Variants in FCN2 observed in about 807,000 individuals in gnomAD.
FCN2 encodes ficolin 2.
In FCN2, 31 loss-of-function variants were observed where a neutral mutation model predicts 32.5. The ratio of observed to expected loss-of-function variants is 0.96; its 90% CI spans 0.72 to 1.29. The LOEUF (loss-of-function observed/expected upper bound fraction) is 1.29, where lower values mean the gene tolerates loss of function less well. FCN2 is among the 50% of genes most tolerant of loss of function. FCN2 has a pLI of 0.00. For missense variants in FCN2, 412 were observed against 406.5 expected, an observed-to-expected ratio of 1.01 and a Z score of -0.12; for synonymous variants, 181 against 164.5, an observed-to-expected ratio of 1.10 and a Z score of -0.77.
upstream of FCN2, among the ~76,000 whole-genome samples, chr9:134,877,344 C>T (rs1830612910): frequency 6.6e-6 from 1 of 152,272 alleles, no homozygotes; most frequent in East Asian, 1.9e-4. Context: ...TTTTTGTTTT[C>T]ATTCAATTCA....
chr9:134,874,165 C>A, the FCN2 span, among the ~76,000 whole-genome samples: 1 of 152,196 alleles, frequency 6.6e-6, no homozygotes, highest in Non-Finnish European at 1.5e-5. Context: ...ATTTGCCCAG[C>A]TTGGCCTCCC....
At chr9:134,865,784 G>A in the FCN2 span, among the ~76,000 whole-genome samples, 1 of 152,130 alleles carries the variant, frequency 6.6e-6, no homozygotes, top group Non-Finnish European at 1.5e-5. Context: ...AGCAACTTCA[G>A]CAAAGTCTCA....
At chr9:134,868,247 C>G in the FCN2 span, 2 of 152,362 alleles carry the variant, frequency 1.3e-5, no homozygotes, top group African/African-American at 4.8e-5. This position sits in a 1 kb window ranked among gnomAD's most constrained non-coding sequence, Gnocchi z 4.3. Flanking sequence ...TGACACACCA[C>G]AACAACTACC....
upstream of FCN2, among the ~76,000 whole-genome samples, chr9:134,878,713 C>T (rs372899211): frequency 7.6e-4 from 115 of 152,058 alleles, no homozygotes; most frequent in African/African-American, 2.7e-3. Flanking sequence ...CATGGTAGTG[C>T]CTGCCTGTAA....
chr9:134,881,917 T>C (rs1830669436), intron 1 of FCN2, among the ~76,000 whole-genome samples: 1 of 152,204 alleles, frequency 6.6e-6, no homozygotes, highest in Non-Finnish European at 1.5e-5. Flanking sequence ...CAAGCTGCAT[T>C]CCAGCTCTAG....
At chr9:134,883,081 A>G (rs1355583714) in intron 2 of FCN2, among the ~76,000 whole-genome samples, 1 of 152,188 alleles carries the variant, frequency 6.6e-6, no homozygotes, top group African/African-American at 2.4e-5. Flanking sequence ...CTGGATTTCC[A>G]GCTCCCGGCC....
chr9:134,885,971 C>T, intron 6 of FCN2, 74 bp downstream of exon 6: 1 of 1,482,594 alleles, frequency 6.7e-7, no homozygotes, highest in Admixed American at 2.0e-5. Context: ...CCTGGGCTGC[C>T]TGGAACACAA....
At position 134,884,886 on chromosome 9, in the gene FCN2, G is replaced by T. The variant is rs550613331; in HGVS notation, c.301+114G>T. 12 of 996,872 alleles carry T rather than the reference G, an allele frequency of 1.2e-5. No individual in the cohort carries two copies. The African/African-American group carries it at 1.4e-4, about 12-fold the overall frequency. 61.8% of individuals were successfully genotyped at this position (996,872 alleles called of 1,614,324 possible). On this transcript the variant is annotated intron_variant, in intron 4 of 7. Transcript: ENST00000291744. ...GTGACAAATATGAACAGAAGAAAAT[G>T]GTTGCTTGCCCGTTTCCTTGTCCCC...
the FCN2 span, among the ~76,000 whole-genome samples, chr9:134,870,483 G>A: frequency 6.6e-6 from 1 of 152,082 alleles, no homozygotes; most frequent in African/African-American, 2.4e-5. The surrounding 1 kb of genome is among the most constrained non-coding windows in gnomAD (Gnocchi z 4.3). Context: ...TGTGCCCCTC[G>A]GGGGGCCAAG....
chr9:134,872,672 T>A, the FCN2 span, among the ~76,000 whole-genome samples: 1 of 151,868 alleles, frequency 6.6e-6, no homozygotes, highest in Non-Finnish European at 1.5e-5. Context: ...TATAAAACCA[T>A]CAGATCTCGT....
chr9:134,872,640 G>A, the FCN2 span, among the ~76,000 whole-genome samples: 3 of 152,132 alleles, frequency 2.0e-5, no homozygotes, highest in East Asian at 1.9e-4. Context: ...AAGAGAGAGC[G>A]TGGTGCGGGG....
At chr9:134,865,326 G>A in the FCN2 span, among the ~76,000 whole-genome samples, 1 of 152,192 alleles carries the variant, frequency 6.6e-6, no homozygotes, top group African/African-American at 2.4e-5. Context: ...ACGTTGCTCT[G>A]AACTCAGAAC....
chr9:134,869,336 C>G, the FCN2 span, among the ~76,000 whole-genome samples: 1 of 152,224 alleles, frequency 6.6e-6, no homozygotes, highest in Non-Finnish European at 1.5e-5. Context: ...CTCCCTCAAG[C>G]GCTTCCTCTT....
At chr9:134,877,821 C>G (rs373933906), upstream of FCN2, among the ~76,000 whole-genome samples, 17 of 152,254 alleles carry the variant, frequency 1.1e-4, no homozygotes, top group South Asian at 2.7e-3. Flanking sequence ...GGGAGGGAAA[C>G]TTCTGGAAGG....
chr9:134,886,564 GGTGA>G lies in FCN2; in HGVS notation c.694+4_694+7del. The G allele has an allele frequency of 6.2e-7, 1 of 1,614,068 alleles. No homozygotes were observed. Among genetic ancestry groups the G allele is most frequent in the Non-Finnish European group, 8.5e-7 (1 of 1,179,976 alleles). On this transcript the variant is annotated splice_donor_variant and splice_donor_region_variant and intron_variant, in intron 7 of 7. Coordinates refer to ENST00000291744, the MANE Select transcript of FCN2 (RefSeq NM_004108.3). LOFTEE classifies it high-confidence loss of function. Reference sequence around the variant, plus strand: ...GGGGGCCTTCGTGGAGGGCAGTGCGGGTGAGTGTCTGCTTGGGGCTGTGTGGCCT... The same window carrying G: ...GGGGGCCTTCGTGGAGGGCAGTGCGGGTGTCTGCTTGGGGCTGTGTGGCCT...
chr9:134,873,827 CT>C, the FCN2 span, among the ~76,000 whole-genome samples: 13 of 151,366 alleles, frequency 8.6e-5, no homozygotes, highest in African/African-American at 3.2e-4. Flanking sequence ...CTGTGGCTTT[CT>C]TTTTATTCCC....
At chr9:134,887,030 C>T (rs555522537) in intron 7 of FCN2, 138 bp from the exon 8 acceptor site, 12 of 1,001,920 alleles carry the variant, frequency 1.2e-5, no homozygotes, top group Admixed American at 5.2e-5. Context: ...TCATGGATTG[C>T]ACTTCTTGGA....
At chr9:134,866,182 G>A in the FCN2 span, among the ~76,000 whole-genome samples, 4 of 148,248 alleles carry the variant, frequency 2.7e-5, no homozygotes, top group Non-Finnish European at 4.5e-5. Context: ...CATCGCCAAG[G>A]CAATCCTAAG....
In FCN2 at chr9:134,881,503, C is replaced by T. The variant is rs72776336; in HGVS notation, c.100+582C>T. ...CCGAGGGGACACTCGGGTGCCAAAC[C>T]ATGGGCTCCGGCGCATGCGAGGGCA... is the stretch of plus-strand genomic sequence containing the variant. On this transcript the variant is annotated intron_variant, in intron 1 of 7. Coordinates refer to ENST00000291744, the MANE Select transcript of FCN2 (RefSeq NM_004108.3). Among the ~76,000 whole-genome samples, 1,164 of 152,264 alleles carry T rather than the reference C, an allele frequency of 7.6e-3. 4 individuals carry two copies. Among genetic ancestry groups the T allele is most frequent in the Non-Finnish European group, 0.012 (832 of 68,012 alleles).
Sources: gnomAD v4.1 joint callset for allele counts (sites outside exome capture counted in the v4.1 genomes callset) on GRCh38, gnomAD v4.1.1 for gene constraint, Gnocchi (gnomAD v3.1) non-coding constraint, MANE v1.5 for transcripts, NCBI Gene and HGNC (gene_info 2026-07-23, HGNC 2026-07-21) for gene names.